CDH4: variants seen among roughly 807,000 people sequenced by gnomAD.
CDH4 encodes the protein cadherin 4.
CDH4 carries 33 observed loss-of-function variants against 86.0 expected under a neutral mutation model. The observed-to-expected ratio is 0.38, with a 90% CI of 0.29 to 0.51. The LOEUF is 0.51. Among genes scored for constraint, CDH4 ranks in the 20% least tolerant of loss-of-function variants. CDH4 has a pLI of 0.86. For missense variants in CDH4, 1,114 were observed against 1,307.4 expected (o/e 0.85, Z 2.28); for synonymous variants, 555 against 549.4 (o/e 1.01, Z -0.14).
At chr20:61,535,470 T>C (rs1344739787) in intron 2 of CDH4, among the ~76,000 whole-genome samples, 1 of 152,240 alleles carries the variant, frequency 6.6e-6, no homozygotes, top group Non-Finnish European at 1.5e-5. Flanking sequence ...ATAATGGTTG[T>C]AATGTCAAGC....
chr20:61,423,649 C>T (rs1266961534), intron 2 of CDH4, among the ~76,000 whole-genome samples: 1 of 151,888 alleles, frequency 6.6e-6, no homozygotes, highest in African/African-American at 2.4e-5. Flanking sequence ...GTATTGCGTC[C>T]CTTCTTTTAC....
chr20:61,886,435 T>C (rs899887301), intron 7 of CDH4, among the ~76,000 whole-genome samples: 1 of 152,222 alleles, frequency 6.6e-6, no homozygotes, highest in African/African-American at 2.4e-5. Context: ...TTCCCTCCTC[T>C]TGAACTTGAA....
At chr20:61,910,251 C>T (rs1158796961) in intron 8 of CDH4, among the ~76,000 whole-genome samples, 171 bp from the exon 9 acceptor site, 1 of 151,740 alleles carries the variant, frequency 6.6e-6, no homozygotes, top group Non-Finnish European at 1.5e-5. Flanking sequence ...TTTGTGAACA[C>T]TCGTTGAGCT....
intron 2 of CDH4, among the ~76,000 whole-genome samples, chr20:61,659,133 C>G (rs938016580): frequency 6.6e-6 from 1 of 152,180 alleles, no homozygotes; most frequent in African/African-American, 2.4e-5. Flanking sequence ...AAATCAATAA[C>G]AGCAACACCC....
chr20:61,635,275 C>G (rs1268796581), intron 2 of CDH4, among the ~76,000 whole-genome samples: 1 of 152,250 alleles, frequency 6.6e-6, no homozygotes, highest in Non-Finnish European at 1.5e-5. Flanking sequence ...AAGGCGTCCC[C>G]TTTCTCCCAA....
At chr20:61,689,750 G>A (rs941892990) in intron 2 of CDH4, among the ~76,000 whole-genome samples, 5 of 151,634 alleles carry the variant, frequency 3.3e-5, no homozygotes, top group African/African-American at 1.2e-4. Context: ...GGTTGGTGAG[G>A]TGATGTGGAA....
intron 3 of CDH4, among the ~76,000 whole-genome samples, chr20:61,767,185 C>A (rs1355046158): frequency 2.0e-5 from 3 of 152,218 alleles, no homozygotes; most frequent in Non-Finnish European, 4.4e-5. Context: ...ACCCCGCCCC[C>A]ACATGAGCAT....
chr20:61,322,900 C>CACAA, intron 2 of CDH4, among the ~76,000 whole-genome samples: 1 of 152,254 alleles, frequency 6.6e-6, no homozygotes, highest in East Asian at 1.9e-4. Flanking sequence ...AGGCTCTATC[C>CACAA]CTGGTGTCCC....
rs2087511236 is a variant in CDH4, at chr20:61,681,379, G to A, written c.170-62184G>A. ...TTCTGCCACGCATAAAAATGAGGCT[G>A]AAATCACCCAAAAGGTGACAAAAAT... On this transcript the variant is annotated intron_variant, in intron 2 of 15. Transcript: ENST00000614565. The surrounding 1 kb of genome is among the most constrained non-coding windows in gnomAD (Gnocchi z 4.5). 6.6e-6 allele frequency among the ~76,000 whole-genome samples: 1 copy of A among 152,144 alleles called. No homozygotes were observed. The highest frequency in any genetic ancestry group is 1.5e-5 in the Non-Finnish European group (1 of 68,034).
chr20:61,773,024 G>C lies in CDH4; in HGVS notation c.418G>C (p.Val140Leu). 1 of 1,611,420 alleles carries C rather than the reference G, an allele frequency of 6.2e-7. No individual in the cohort carries two copies. The highest frequency in any genetic ancestry group is 1.3e-5 in the African/African-American group (1 of 74,970). Reference protein sequence around the residue: ...GHKPQKGKKVVALDPSPPPKD... With the variant: ...GHKPQKGKKVLALDPSPPPKD... ...AAAGCCGCAGAAAGGAAAGAAGGTCGTGGCTCTGGACCCCTCTCCGCCTCC... is the reference window on the plus strand; with the variant it reads ...AAAGCCGCAGAAAGGAAAGAAGGTCCTGGCTCTGGACCCCTCTCCGCCTCC... The change falls in exon 4 of 16, where the codon GTG becomes CTG. Residue 140 changes from valine (V) to leucine (L), a missense_variant. Val to Leu is a conservative substitution (Grantham distance 32). Coordinates refer to ENST00000614565, the MANE Select transcript of CDH4 (RefSeq NM_001794.5).
chr20:61,823,883 T>C (rs187924927), intron 4 of CDH4, among the ~76,000 whole-genome samples: 224 of 152,360 alleles, frequency 1.5e-3, no homozygotes, highest in Middle Eastern at 6.8e-3. Flanking sequence ...ATAAATACTA[T>C]GTAGTAAAAC....
intron 8 of CDH4, among the ~76,000 whole-genome samples, chr20:61,896,120 T>C (rs547614810): frequency 2.6e-5 from 4 of 152,148 alleles, no homozygotes; most frequent in Non-Finnish European, 5.9e-5. Flanking sequence ...ACCAGCTGCA[T>C]CTGTGGAGGT....
At chr20:61,586,950 A>AT (rs759715234) in intron 2 of CDH4, among the ~76,000 whole-genome samples, 4 of 152,242 alleles carry the variant, frequency 2.6e-5, no homozygotes, top group Non-Finnish European at 4.4e-5. Context: ...ATAAGCAGCC[A>AT]TGCCTTCACA....
At chr20:61,766,330 A>G (rs2088698224) in intron 3 of CDH4, among the ~76,000 whole-genome samples, 1 of 150,336 alleles carries the variant, frequency 6.7e-6, no homozygotes, top group Admixed American at 6.6e-5. Flanking sequence ...CCTGCCCCCC[A>G]GCCCTAGCCC....
chr20:61,271,383 C>T (rs2084182043), intron 2 of CDH4, among the ~76,000 whole-genome samples: 1 of 152,202 alleles, frequency 6.6e-6, no homozygotes, highest in Non-Finnish European at 1.5e-5. Context: ...GTATTAAATC[C>T]AGCCCATTGA....
chr20:61,854,882 A>G (rs1447339225), intron 6 of CDH4, among the ~76,000 whole-genome samples: 1 of 124,654 alleles, frequency 8.0e-6, no homozygotes, highest in Non-Finnish European at 1.7e-5. Flanking sequence ...AGCCTGCCCC[A>G]GGGCTGTAAT....
chr20:61,764,285 G>A (rs2145974043), intron 3 of CDH4, among the ~76,000 whole-genome samples: 1 of 152,324 alleles, frequency 6.6e-6, no homozygotes, highest in South Asian at 2.1e-4. Flanking sequence ...GTGAACCCCG[G>A]GGCCACCGAC....
chr20:61,254,554 C>T (rs1295009783), intron 1 of CDH4, among the ~76,000 whole-genome samples: 1 of 152,192 alleles, frequency 6.6e-6, no homozygotes, highest in East Asian at 1.9e-4. Flanking sequence ...AGGCCCTGGC[C>T]GGCCTGGCTT....
chr20:61,891,527 A>T (rs577807200), intron 7 of CDH4, among the ~76,000 whole-genome samples: 1 of 152,382 alleles, frequency 6.6e-6, no homozygotes, highest in East Asian at 1.9e-4. Context: ...TGGGCCAAGA[A>T]GCAGTTTCCT....
Sources: allele counts gnomAD v4.1 joint callset (sites outside exome capture counted in the v4.1 genomes callset), GRCh38; gene constraint gnomAD v4.1.1; non-coding constraint Gnocchi (gnomAD v3.1); transcripts MANE v1.5; gene names NCBI Gene and HGNC (gene_info 2026-07-23, HGNC 2026-07-21).